The following SLC24A3 variants were observed in gnomAD, a reference collection of about 807,000 sequenced individuals.
SLC24A3 encodes the protein solute carrier family 24 member 3, also known as sodium/potassium/calcium exchanger 3.
A neutral mutation model predicts 75.8 loss-of-function variants in SLC24A3; 28 were observed. The observed-to-expected ratio is 0.37, with a 90% CI of 0.27 to 0.51. The LOEUF (loss-of-function observed/expected upper bound fraction) is 0.51, where lower values mean the gene tolerates loss of function less well. Ranked by LOEUF, SLC24A3 falls within the 20% of genes least tolerant of loss-of-function variation. The probability of loss-of-function intolerance (pLI) is 0.94; values close to 1 mark genes in which losing one functional copy is unlikely to be tolerated. For synonymous variants in SLC24A3, 372 were observed against 334.1 expected (o/e 1.11, Z -1.24); for missense variants, 663 against 847.8 (o/e 0.78, Z 2.71).
At position 19,296,810 on chromosome 20, in the gene SLC24A3, G is replaced by A. The variant is rs115476412; in HGVS notation, c.271+15723G>A. Among the ~76,000 whole-genome samples, 437 of 152,236 alleles carry A rather than the reference G, an allele frequency of 2.9e-3. 2 individuals carry two copies. Among genetic ancestry groups the A allele is most frequent in the African/African-American group, 9.8e-3 (407 of 41,548 alleles). ...GATTATACATTCTTCTTGGAGCCAC[G>A]TGGCACTTACTTTAAAATCAATCAC... On this transcript the variant is annotated intron_variant, in intron 2 of 16. Coordinates refer to ENST00000328041, the MANE Select transcript of SLC24A3 (RefSeq NM_020689.4).
At chr20:19,464,113 A>C (rs1271588456) in intron 2 of SLC24A3, among the ~76,000 whole-genome samples, 1 of 152,210 alleles carries the variant, frequency 6.6e-6, no homozygotes, top group East Asian at 1.9e-4. Flanking sequence ...GGTGTCATGA[A>C]AGGCTCTTCA....
At chr20:19,323,176 A>C (rs1166237646) in intron 2 of SLC24A3, among the ~76,000 whole-genome samples, 1 of 144,678 alleles carries the variant, frequency 6.9e-6, no homozygotes, top group Non-Finnish European at 1.5e-5. Flanking sequence ...ACTGCACTCC[A>C]GCCTGGGCGA....
chr20:19,346,091 A>ATGGTGTGTG (rs1985395287), intron 2 of SLC24A3, among the ~76,000 whole-genome samples: 2 of 71,628 alleles, frequency 2.8e-5, no homozygotes, highest in African/African-American at 2.4e-4. Context: ...ATATATATAT[A>ATGGTGTGTG]TATATATATA....
At position 19,643,871 on chromosome 20, in the gene SLC24A3, A is replaced by G. The variant is rs1371130154; in HGVS notation, c.613-10191A>G. Reference sequence around the variant, plus strand: ...GTTAGAGATTGCTCTTAGGTTTTGTAATTCATAAAACAAGGAAATATTTGC... The same window carrying G: ...GTTAGAGATTGCTCTTAGGTTTTGTGATTCATAAAACAAGGAAATATTTGC... On this transcript the variant is annotated intron_variant, in intron 6 of 16. Transcript: ENST00000328041. Among the ~76,000 whole-genome samples the G allele has an allele frequency of 2.0e-5, 3 of 152,332 alleles. No homozygotes were observed. In the East Asian group the frequency reaches 5.8e-4, roughly 29 times the overall value.
chr20:19,340,733 A>G (rs1009779466), intron 2 of SLC24A3, among the ~76,000 whole-genome samples: 1 of 152,232 alleles, frequency 6.6e-6, no homozygotes, highest in Non-Finnish European at 1.5e-5. Context: ...CAGAAATAAC[A>G]TGATGAGCTC....
chr20:19,312,876 C>A (rs906825939), intron 2 of SLC24A3, among the ~76,000 whole-genome samples: 47 of 151,976 alleles, frequency 3.1e-4, no homozygotes, highest in Admixed American at 2.4e-3. Context: ...GTATTGGTAG[C>A]AATGGTGATG....
At chr20:19,649,268 C>A (rs1023240366) in intron 6 of SLC24A3, among the ~76,000 whole-genome samples, 17 of 152,180 alleles carry the variant, frequency 1.1e-4, no homozygotes, top group African/African-American at 4.1e-4. Context: ...ATAAGTGATC[C>A]TTCACTGAGA....
chr20:19,452,636 G>T (rs140389505), intron 2 of SLC24A3, among the ~76,000 whole-genome samples: 6 of 151,976 alleles, frequency 3.9e-5, no homozygotes, highest in African/African-American at 1.5e-4. Flanking sequence ...GGTCCTGGGT[G>T]AATCATTCTA....
intron 9 of SLC24A3, among the ~76,000 whole-genome samples, chr20:19,679,801 T>C (rs1055044064): frequency 6.6e-6 from 1 of 152,250 alleles, no homozygotes; most frequent in African/African-American, 2.4e-5. Flanking sequence ...AAAATGAGAA[T>C]TCAAATAAAT....
chr20:19,438,594 A>G (rs1168578313), intron 2 of SLC24A3, among the ~76,000 whole-genome samples: 1 of 149,454 alleles, frequency 6.7e-6, no homozygotes, highest in Admixed American at 6.6e-5. Flanking sequence ...AGGCAGTGTG[A>G]ACAACAAGCT....
At chr20:19,518,957 G>A (rs1460460781) in intron 3 of SLC24A3, among the ~76,000 whole-genome samples, 2 of 152,162 alleles carry the variant, frequency 1.3e-5, no homozygotes, top group Non-Finnish European at 2.9e-5. Flanking sequence ...CTGAAGATCT[G>A]GGACTGCCTT....
At chr20:19,696,007 T>C (rs1600345375) in intron 13 of SLC24A3, among the ~76,000 whole-genome samples, 1 of 113,768 alleles carries the variant, frequency 8.8e-6, no homozygotes, top group East Asian at 2.5e-4. Context: ...TCCCCTTTTT[T>C]TCCTTTTCTT....
At chr20:19,465,010 G>T (rs764930010) in intron 2 of SLC24A3, among the ~76,000 whole-genome samples, 4 of 152,222 alleles carry the variant, frequency 2.6e-5, no homozygotes, top group Non-Finnish European at 5.9e-5. Context: ...CACATGTGTG[G>T]CTGTGGAGCA....
chr20:19,485,063 T>C (rs1988109984), intron 2 of SLC24A3, among the ~76,000 whole-genome samples: 1 of 152,210 alleles, frequency 6.6e-6, no homozygotes. Context: ...CTCACTCTCA[T>C]GCATGGCTGG....
intron 9 of SLC24A3, among the ~76,000 whole-genome samples, chr20:19,673,860 T>C (rs1042535425): frequency 6.6e-6 from 1 of 152,220 alleles, no homozygotes; most frequent in Non-Finnish European, 1.5e-5. Flanking sequence ...TATTTGATGA[T>C]AGACTCAAAG....
chr20:19,278,209 G>A (rs1261866852), intron 1 of SLC24A3, among the ~76,000 whole-genome samples: 2 of 152,188 alleles, frequency 1.3e-5, no homozygotes, highest in Admixed American at 6.5e-5. Flanking sequence ...CTAGGAGTAG[G>A]TGGATGAATA....
At chr20:19,288,512 G>C (rs1303546245) in intron 2 of SLC24A3, among the ~76,000 whole-genome samples, 8 of 152,228 alleles carry the variant, frequency 5.3e-5, no homozygotes, top group Non-Finnish European at 1.0e-4. Context: ...AAACTCTGCT[G>C]TTAGATGCAG....
At chr20:19,630,251 A>G (rs1332841389) in intron 6 of SLC24A3, among the ~76,000 whole-genome samples, 4 of 152,222 alleles carry the variant, frequency 2.6e-5, no homozygotes, top group Non-Finnish European at 5.9e-5. Flanking sequence ...TTGGAAAATA[A>G]GATTAAGACA....
At chr20:19,213,006 C>T in intron 1 of SLC24A3, 22 bp downstream of exon 1, 1 of 1,247,256 alleles carries the variant, frequency 8.0e-7, no homozygotes, top group Non-Finnish European at 1.0e-6. Context: ...CTGCCTGCCC[C>T]GAGTGGGCGC....
Sources: allele counts gnomAD v4.1 joint callset (sites outside exome capture counted in the v4.1 genomes callset), GRCh38; gene constraint gnomAD v4.1.1; transcripts MANE v1.5; gene names NCBI Gene and HGNC (gene_info 2026-07-23, HGNC 2026-07-21).